Variants in CERS6 observed in about 807,000 individuals in gnomAD.
CERS6 encodes LAG1 homolog, ceramide synthase 6.
In CERS6, 26 loss-of-function variants were observed where a neutral mutation model predicts 56.8. The ratio of observed to expected loss-of-function variants is 0.46; its 90% CI spans 0.34 to 0.63. The LOEUF is 0.63. Among genes scored for constraint, CERS6 ranks in the 30% least tolerant of loss-of-function variants. CERS6 has a pLI of 0.01. For missense variants in CERS6, 415 were observed against 467.5 expected (o/e 0.89, Z 1.04); for synonymous variants, 164 against 173.3 (o/e 0.95, Z 0.42).
intron 1 of CERS6, among the ~76,000 whole-genome samples, chr2:168,457,165 G>T (rs1693685326): frequency 6.6e-6 from 1 of 152,228 alleles, no homozygotes; most frequent in Non-Finnish European, 1.5e-5. Flanking sequence ...CTGGCTTCTG[G>T]TCGCTGTTTG....
intron 8 of CERS6, among the ~76,000 whole-genome samples, chr2:168,742,686 C>T (rs905010403): frequency 4.6e-5 from 7 of 152,114 alleles, no homozygotes; most frequent in African/African-American, 1.2e-4. Context: ...AATACCAACA[C>T]CCACAGGTGG....
intron 1 of CERS6, among the ~76,000 whole-genome samples, chr2:168,469,136 AT>A (rs533054712): frequency 3.9e-5 from 6 of 152,058 alleles, no homozygotes; most frequent in Non-Finnish European, 7.4e-5. Flanking sequence ...ATATGTATGT[AT>A]TTTTTTTCTT....
chr2:168,516,593 C>G (rs144015394), intron 1 of CERS6, among the ~76,000 whole-genome samples: 21 of 152,240 alleles, frequency 1.4e-4, no homozygotes, highest in African/African-American at 4.8e-4. Context: ...CTGCCTTTTA[C>G]AGTTATTTTG....
chr2:168,713,963 C>A (rs2105387697), intron 6 of CERS6, among the ~76,000 whole-genome samples: 1 of 152,096 alleles, frequency 6.6e-6, no homozygotes, highest in East Asian at 1.9e-4. Context: ...GCTGCTGTGG[C>A]AAAATACTGT....
At chr2:168,476,826 G>A (rs72873076) in intron 1 of CERS6, among the ~76,000 whole-genome samples, 156 of 152,092 alleles carry the variant, frequency 1.0e-3, no homozygotes, top group South Asian at 6.8e-3. Flanking sequence ...CATATTGAGG[G>A]CAGATCTTCC....
At chr2:168,744,719 C>T (rs781251813) in intron 8 of CERS6, among the ~76,000 whole-genome samples, 11 of 152,164 alleles carry the variant, frequency 7.2e-5, no homozygotes, top group Non-Finnish European at 1.5e-4. Flanking sequence ...CACACACAAT[C>T]ATAAATGACC....
intron 3 of CERS6, among the ~76,000 whole-genome samples, chr2:168,599,284 C>G (rs950793106): frequency 6.6e-6 from 1 of 152,084 alleles, no homozygotes; most frequent in Non-Finnish European, 1.5e-5. Flanking sequence ...ATTTCTCACT[C>G]CTTTTCCTTC....
intron 3 of CERS6, among the ~76,000 whole-genome samples, chr2:168,574,844 G>A (rs1423887373): frequency 6.6e-6 from 1 of 152,070 alleles, no homozygotes; most frequent in African/African-American, 2.4e-5. Flanking sequence ...AATGTTTGAA[G>A]GTATAATTAT....
At chr2:168,467,754 G>A (rs572963473) in intron 1 of CERS6, among the ~76,000 whole-genome samples, 95 of 152,292 alleles carry the variant, frequency 6.2e-4, no homozygotes, top group African/African-American at 2.1e-3. Context: ...AACCTGGTTC[G>A]TAAAAATACA....
At chr2:168,651,691 C>T (rs1190875553) in intron 4 of CERS6, among the ~76,000 whole-genome samples, 2 of 152,152 alleles carry the variant, frequency 1.3e-5, no homozygotes, top group African/African-American at 2.4e-5. Flanking sequence ...ATGAGAGCAG[C>T]ATGGGAGGAA....
chr2:168,674,255 TAACTC>T (rs1438044171), intron 4 of CERS6, among the ~76,000 whole-genome samples: 2 of 152,198 alleles, frequency 1.3e-5, no homozygotes, highest in East Asian at 3.9e-4. Flanking sequence ...AGTTAGACCT[TAACTC>T]AACATAAATT....
chr2:168,670,968 C>CCA (rs1553506490), intron 4 of CERS6, among the ~76,000 whole-genome samples: 1 of 23,020 alleles, frequency 4.3e-5, no homozygotes. Flanking sequence ...TACATGCTTC[C>CCA]CCCCCCCCCC....
chr2:168,688,428 AAAG>A (rs1486813528), intron 4 of CERS6, among the ~76,000 whole-genome samples: 16 of 151,970 alleles, frequency 1.1e-4, no homozygotes, highest in Admixed American at 2.6e-4. Context: ...AAAAAAAAAA[AAAG>A]AAGTTATGCC....
At chr2:168,639,262 T>G (rs1684932888) in intron 4 of CERS6, among the ~76,000 whole-genome samples, 1 of 152,206 alleles carries the variant, frequency 6.6e-6, no homozygotes, top group South Asian at 2.1e-4. Context: ...GCATTAGTAT[T>G]CACCTCCTGT....
intron 3 of CERS6, among the ~76,000 whole-genome samples, chr2:168,613,108 G>A (rs1381431051): frequency 6.6e-6 from 1 of 152,202 alleles, no homozygotes; most frequent in African/African-American, 2.4e-5. Flanking sequence ...GGGGTTGAAG[G>A]CGAAGGAAGA....
chr2:168,708,276 C>T (rs910050498), intron 6 of CERS6, among the ~76,000 whole-genome samples: 1 of 152,018 alleles, frequency 6.6e-6, no homozygotes, highest in African/African-American at 2.4e-5. Flanking sequence ...TGCATGTTGC[C>T]AAGTTACATG....
intron 4 of CERS6, among the ~76,000 whole-genome samples, chr2:168,667,979 A>G (rs1685806949): frequency 6.6e-6 from 1 of 152,224 alleles, no homozygotes; most frequent in Non-Finnish European, 1.5e-5. Context: ...TTGTAGGCAG[A>G]GACAGAGATG....
intron 3 of CERS6, among the ~76,000 whole-genome samples, chr2:168,579,940 CCCCCCAATCCATAGT>C (rs1683368130): frequency 6.6e-6 from 1 of 152,154 alleles, no homozygotes; most frequent in Non-Finnish European, 1.5e-5. Context: ...CTCCCTAGTG[CCCCCCAATCCATAGT>C]CCCCTTGATA....
At chr2:168,622,335 G>T (rs755830149) in intron 3 of CERS6, among the ~76,000 whole-genome samples, 1 of 152,174 alleles carries the variant, frequency 6.6e-6, no homozygotes, top group Non-Finnish European at 1.5e-5. Flanking sequence ...ATTCAAAGCC[G>T]TCCTGGCCTG....
Sources: gnomAD v4.1 joint callset for allele counts (sites outside exome capture counted in the v4.1 genomes callset) on GRCh38, gnomAD v4.1.1 for gene constraint, MANE v1.5 for transcripts, NCBI Gene and HGNC (gene_info 2026-07-23, HGNC 2026-07-21) for gene names.